The following ERC1 variants were observed in gnomAD, a reference collection of about 807,000 sequenced individuals.
The protein encoded by ERC1 is ELKS/RAB6-interacting/CAST family member 1.
A neutral mutation model predicts 132.0 loss-of-function variants in ERC1; 56 were observed. That is an observed-to-expected ratio of 0.42 (90% CI 0.34 to 0.53). The LOEUF (loss-of-function observed/expected upper bound fraction) is 0.53. Ranked by LOEUF, ERC1 falls within the 20% of genes least tolerant of loss-of-function variation. The pLI, the probability that ERC1 is intolerant of heterozygous loss-of-function variation, is 0.03. For missense variants in ERC1, 1,202 were observed against 1,349.9 expected (o/e 0.89, Z 1.72); for synonymous variants, 478 against 476.1 (o/e 1.00, Z -0.05).
intron 1 of ERC1, among the ~76,000 whole-genome samples, chr12:997,144 A>G (rs1270486838): frequency 6.6e-6 from 1 of 152,228 alleles, no homozygotes; most frequent in East Asian, 1.9e-4. Flanking sequence ...CTATTTTAGA[A>G]TAGCTTATTT....
chr12:1,132,654 A>G (rs1432210146), intron 7 of ERC1, among the ~76,000 whole-genome samples: 7 of 152,098 alleles, frequency 4.6e-5, no homozygotes, highest in Non-Finnish European at 5.9e-5. Flanking sequence ...AGAATGAAAA[A>G]CACTTAGAAG....
At chr12:1,107,207 T>G (rs189281259) in intron 4 of ERC1, among the ~76,000 whole-genome samples, 21 of 152,296 alleles carry the variant, frequency 1.4e-4, no homozygotes, top group African/African-American at 3.4e-4. Context: ...TCTACTATTT[T>G]TTTGTTTGTT....
intron 16 of ERC1, among the ~76,000 whole-genome samples, chr12:1,389,973 A>T (rs1000448173): frequency 4.6e-5 from 7 of 152,330 alleles, no homozygotes; most frequent in African/African-American, 1.7e-4. Flanking sequence ...CACTTATTTC[A>T]TGAACTAATC....
intron 15 of ERC1, among the ~76,000 whole-genome samples, chr12:1,325,418 T>G (rs541007490): frequency 4.6e-5 from 7 of 152,210 alleles, no homozygotes; most frequent in Non-Finnish European, 1.0e-4. Context: ...CAAGTATCCA[T>G]TGAGTTTGGC....
At chr12:1,484,162 G>A (rs541474224) in intron 18 of ERC1, among the ~76,000 whole-genome samples, 48 of 152,020 alleles carry the variant, frequency 3.2e-4, no homozygotes, top group Non-Finnish European at 3.2e-4. Context: ...AAAATTAGCC[G>A]AGCGTGGTAG....
At chr12:1,032,547 C>A (rs945041291) in intron 2 of ERC1, among the ~76,000 whole-genome samples, 1 of 152,062 alleles carries the variant, frequency 6.6e-6, no homozygotes, top group Non-Finnish European at 1.5e-5. Context: ...TGACAGGGAC[C>A]CTCAGTGGAT....
intron 17 of ERC1, among the ~76,000 whole-genome samples, chr12:1,430,101 A>G (rs1260630695): frequency 6.6e-6 from 1 of 152,164 alleles, no homozygotes; most frequent in African/African-American, 2.4e-5. Flanking sequence ...TGTGCCACCT[A>G]TTGGAAGGAA....
At chr12:1,378,750 G>A (rs1189856181) in intron 16 of ERC1, among the ~76,000 whole-genome samples, 1 of 152,110 alleles carries the variant, frequency 6.6e-6, no homozygotes, top group East Asian at 1.9e-4. Context: ...AACCAACAGA[G>A]GACTAAATTT....
chr12:1,480,978 G>A, intron 18 of ERC1: 1 of 699,882 alleles, frequency 1.4e-6, no homozygotes, highest in South Asian at 1.5e-5. Flanking sequence ...TGCTGAAACT[G>A]TGGATGGTAC....
chr12:1,094,777 GC>G (rs1292057840), intron 3 of ERC1, among the ~76,000 whole-genome samples: 1 of 152,048 alleles, frequency 6.6e-6, no homozygotes, highest in Admixed American at 6.6e-5. Context: ...CATTTTCTGA[GC>G]ACACTACTAT....
At chr12:1,000,528 G>T (rs1270624343) in intron 1 of ERC1, among the ~76,000 whole-genome samples, 1 of 151,672 alleles carries the variant, frequency 6.6e-6, no homozygotes, top group Non-Finnish European at 1.5e-5. Flanking sequence ...AAAATTTTGG[G>T]ATGAAAATTT....
intron 15 of ERC1, among the ~76,000 whole-genome samples, chr12:1,331,662 C>T (rs7313311): frequency 0.39 from 58,788 of 152,008 alleles, 11,655 homozygotes; most frequent in Middle Eastern, 0.44. Flanking sequence ...TACACGATTG[C>T]AGTTCCTGGT....
intron 13 of ERC1, among the ~76,000 whole-genome samples, chr12:1,253,706 G>C (rs1025662414): frequency 6.6e-6 from 1 of 152,064 alleles, no homozygotes; most frequent in Non-Finnish European, 1.5e-5. Flanking sequence ...GGAGGGTAGA[G>C]TCTTACAGCT....
intron 11 of ERC1, among the ~76,000 whole-genome samples, chr12:1,186,550 C>T (rs1394170513): frequency 6.6e-6 from 1 of 152,174 alleles, no homozygotes; most frequent in Non-Finnish European, 1.5e-5. Context: ...TATACAAATA[C>T]TGTTATTTCA....
At chr12:1,225,449 TACACACACACACACACAC>T (rs67132193) in intron 12 of ERC1, among the ~76,000 whole-genome samples, 24 of 131,760 alleles carry the variant, frequency 1.8e-4, no homozygotes, top group Admixed American at 1.1e-3. Context: ...GGCTGTCTCT[TACACACACACACACACAC>T]ACACACACAC....
In ERC1 at chr12:1,095,723, C is replaced by T. The variant is rs577963941; in HGVS notation, c.1087-9027C>T. Among the ~76,000 whole-genome samples the T allele has an allele frequency of 3.1e-4, 47 of 152,152 alleles. 1 individual carries two copies. The South Asian group carries it at 7.9e-3, about 26-fold the overall frequency. On this transcript the variant is annotated intron_variant, in intron 3 of 18. Coordinates refer to ENST00000360905, the MANE Select transcript of ERC1 (RefSeq NM_178040.4). ...CAGTCTTCTCTCTCTATTGACAATG[C>T]GGGAGGCATAGGCTTGATGTGCTTG...
intron 15 of ERC1, among the ~76,000 whole-genome samples, chr12:1,350,276 CA>C (rs1261511899): frequency 2.6e-5 from 4 of 152,186 alleles, no homozygotes; most frequent in African/African-American, 7.2e-5. Context: ...CGGAGGCCAG[CA>C]CTGAGACACA....
intron 16 of ERC1, 88 bp from the exon 17 acceptor site, chr12:1,408,061 T>C: frequency 2.3e-6 from 2 of 867,938 alleles, no homozygotes. Context: ...TTTTATCCTT[T>C]CTTATGGAAC....
chr12:1,236,213 G>A (rs2075403516), intron 12 of ERC1, among the ~76,000 whole-genome samples: 1 of 152,148 alleles, frequency 6.6e-6, no homozygotes, highest in Middle Eastern at 3.4e-3. Context: ...TATTAATGGA[G>A]GATAGACCAA....
Sources: gnomAD v4.1 joint callset for allele counts (sites outside exome capture counted in the v4.1 genomes callset) on GRCh38, gnomAD v4.1.1 for gene constraint, MANE v1.5 for transcripts, NCBI Gene and HGNC (gene_info 2026-07-23, HGNC 2026-07-21) for gene names.